The following NKAIN2 variants were observed in gnomAD, a reference collection of about 807,000 sequenced individuals.
NKAIN2 encodes sodium/potassium transporting ATPase interacting 2.
A neutral mutation model predicts 32.6 loss-of-function variants in NKAIN2; 14 were observed. The ratio of observed to expected loss-of-function variants is 0.43; its 90% CI spans 0.28 to 0.67. NKAIN2 has a LOEUF of 0.67. NKAIN2 is among the 30% of genes least tolerant of loss of function. NKAIN2 has a pLI of 0.17. For synonymous variants in NKAIN2, 80 were observed against 87.2 expected (o/e 0.92, Z 0.46); for missense variants, 198 against 258.3 (o/e 0.77, Z 1.60).
chr6:123,839,540 A>G (rs1383070485), intron 1 of NKAIN2, among the ~76,000 whole-genome samples: 1 of 152,114 alleles, frequency 6.6e-6, no homozygotes. Flanking sequence ...AAATGTTCTT[A>G]GAGAGTTTGT....
chr6:124,343,279 C>T (rs373873156), intron 2 of NKAIN2, among the ~76,000 whole-genome samples: 7 of 151,722 alleles, frequency 4.6e-5, no homozygotes, highest in African/African-American at 7.3e-5. Flanking sequence ...TGAATAGTGC[C>T]GAAATAAACA....
chr6:124,370,987 A>G (rs1799735574), intron 3 of NKAIN2, among the ~76,000 whole-genome samples: 2 of 152,054 alleles, frequency 1.3e-5, no homozygotes, highest in Admixed American at 1.3e-4. Flanking sequence ...CCCAGTACTT[A>G]TTTTCTAACG....
intron 1 of NKAIN2, among the ~76,000 whole-genome samples, chr6:123,837,805 T>C (rs973032538): frequency 6.6e-6 from 1 of 152,188 alleles, no homozygotes; most frequent in Non-Finnish European, 1.5e-5. Context: ...TTTTCATTTC[T>C]GTTTTACTGT....
chr6:124,396,185 C>T (rs1773369346), intron 3 of NKAIN2, among the ~76,000 whole-genome samples: 1 of 151,868 alleles, frequency 6.6e-6, no homozygotes, highest in African/African-American at 2.4e-5. Context: ...CAAAATGAAA[C>T]AATGGGTATC....
intron 3 of NKAIN2, among the ~76,000 whole-genome samples, chr6:124,375,460 TAAAC>T (rs1395326722): frequency 6.9e-6 from 1 of 145,846 alleles, no homozygotes; most frequent in Non-Finnish European, 1.5e-5. Context: ...ATATATTACA[TAAAC>T]TAATGAATTG....
intron 5 of NKAIN2, among the ~76,000 whole-genome samples, chr6:124,801,670 G>C (rs1315152688): frequency 6.6e-6 from 1 of 152,138 alleles, no homozygotes; most frequent in East Asian, 1.9e-4. Context: ...CAATTTACGA[G>C]AGAAAGAGAA....
intron 1 of NKAIN2, among the ~76,000 whole-genome samples, chr6:124,052,602 T>C (rs1782463907): frequency 6.6e-6 from 1 of 152,050 alleles, no homozygotes; most frequent in South Asian, 2.1e-4. Context: ...AACACTTTTG[T>C]CCAAAAGTAC....
At chr6:124,390,856 C>A (rs1291869028) in intron 3 of NKAIN2, 1 of 151,942 alleles carries the variant, frequency 6.6e-6, no homozygotes, top group Non-Finnish European at 1.5e-5. Context: ...GGCCCTGCAT[C>A]TATTCCTGTA....
At chr6:123,835,717 G>A (rs1162823449) in intron 1 of NKAIN2, among the ~76,000 whole-genome samples, 1 of 152,122 alleles carries the variant, frequency 6.6e-6, no homozygotes, top group East Asian at 1.9e-4. Flanking sequence ...CAAAACAATT[G>A]TGTTGTCTTG....
At chr6:124,711,592 T>G (rs1290582169) in intron 4 of NKAIN2, among the ~76,000 whole-genome samples, 2 of 150,850 alleles carry the variant, frequency 1.3e-5, no homozygotes, top group Non-Finnish European at 3.0e-5. Context: ...CTGATACCCT[T>G]TCTTCCAGTT....
At chr6:124,336,457 T>C (rs897068416) in intron 2 of NKAIN2, among the ~76,000 whole-genome samples, 3 of 152,144 alleles carry the variant, frequency 2.0e-5, no homozygotes, top group Non-Finnish European at 4.4e-5. Context: ...CCTAGTGCCT[T>C]TCTATGTGTC....
intron 3 of NKAIN2, among the ~76,000 whole-genome samples, chr6:124,510,426 A>G (rs536644711): frequency 6.6e-6 from 1 of 152,292 alleles, no homozygotes; most frequent in Non-Finnish European, 1.5e-5. Context: ...ACTTTCATAT[A>G]TGTTCGATCA....
chr6:124,452,381 G>A (rs527292557), intron 3 of NKAIN2, among the ~76,000 whole-genome samples: 17 of 152,044 alleles, frequency 1.1e-4, no homozygotes, highest in African/African-American at 4.1e-4. Flanking sequence ...CATTGGGACG[G>A]GGCAAGAACA....
intron 4 of NKAIN2, among the ~76,000 whole-genome samples, chr6:124,780,785 AAT>A (rs1779228033): frequency 6.6e-6 from 1 of 152,230 alleles, no homozygotes; most frequent in Non-Finnish European, 1.5e-5. Flanking sequence ...GTGACTCACC[AAT>A]ATATGTCTAA....
At chr6:124,676,035 G>C (rs1773340645) in intron 4 of NKAIN2, among the ~76,000 whole-genome samples, 1 of 151,468 alleles carries the variant, frequency 6.6e-6, no homozygotes, top group Non-Finnish European at 1.5e-5. Flanking sequence ...TTTTATTTTT[G>C]TTTCTCAAAA....
intron 1 of NKAIN2, among the ~76,000 whole-genome samples, chr6:124,146,630 A>C (rs1383248456): frequency 6.6e-6 from 1 of 152,224 alleles, no homozygotes; most frequent in African/African-American, 2.4e-5. Context: ...TCACATTAGC[A>C]TGAATAACCT....
chr6:124,625,801 G>A (rs527984041), intron 3 of NKAIN2, among the ~76,000 whole-genome samples: 5 of 151,900 alleles, frequency 3.3e-5, no homozygotes, highest in African/African-American at 1.2e-4. Flanking sequence ...TTAAATAACT[G>A]GGCTAAGGTC....
intron 1 of NKAIN2, among the ~76,000 whole-genome samples, chr6:124,000,341 CA>C (rs1366386109): frequency 6.6e-6 from 1 of 152,002 alleles, no homozygotes; most frequent in African/African-American, 2.4e-5. Context: ...TGAGAATAAT[CA>C]GCTGAAGTTC....
chr6:124,697,452 T>TAA (rs1774551736), intron 4 of NKAIN2, among the ~76,000 whole-genome samples: 3 of 152,198 alleles, frequency 2.0e-5, no homozygotes, highest in African/African-American at 7.2e-5. Context: ...TTTCTTCATA[T>TAA]AAAACATCTA....
Sources: allele counts gnomAD v4.1 joint callset (sites outside exome capture counted in the v4.1 genomes callset), GRCh38; gene constraint gnomAD v4.1.1; transcripts MANE v1.5; gene names NCBI Gene and HGNC (gene_info 2026-07-23, HGNC 2026-07-21).